Variants in TJP2 observed in about 807,000 individuals in gnomAD.
TJP2 encodes the protein Friedreich ataxia region gene X104 (tight junction protein ZO-2).
TJP2 carries 91 observed loss-of-function variants against 133.1 expected under a neutral mutation model. The observed-to-expected ratio is 0.68, with a 90% CI of 0.58 to 0.81. TJP2 has a LOEUF of 0.81. Ranked by LOEUF, TJP2 falls within the 40% of genes least tolerant of loss-of-function variation. TJP2 has a pLI of 0.00. For synonymous variants in TJP2, 592 were observed against 583.4 expected (o/e 1.01, Z -0.21); for missense variants, 1,541 against 1,565.6 (o/e 0.98, Z 0.26).
rs573778986 is a variant in TJP2, at chr9:69,220,751, G to A, written c.343-136G>A. 6.0e-4 allele frequency: 480 copies of A among 805,920 alleles called. No homozygotes were observed. The highest frequency in any genetic ancestry group is 8.6e-4 in the Non-Finnish European group (416 of 485,396). 49.9% of individuals were successfully genotyped at this position (805,920 alleles called of 1,614,324 possible). On this transcript the variant is annotated intron_variant, in intron 4 of 22. Transcript: ENST00000377245. Reference sequence around the variant, plus strand: ...TGTGAGATTTTTATTGTCCGTTTCCGGATGAGGAACCTGAACCTTAGTGAG... The same window carrying A: ...TGTGAGATTTTTATTGTCCGTTTCCAGATGAGGAACCTGAACCTTAGTGAG...
intron 1 of TJP2, among the ~76,000 whole-genome samples, chr9:69,136,781 TG>T (rs1293203526): frequency 1.3e-5 from 2 of 151,820 alleles, no homozygotes; most frequent in Non-Finnish European, 2.9e-5. Context: ...CTGGTGATGG[TG>T]GTAGGGTGTG....
intron 2 of TJP2, among the ~76,000 whole-genome samples, chr9:69,161,546 A>G (rs1163216042): frequency 6.6e-6 from 1 of 151,980 alleles, no homozygotes; most frequent in Non-Finnish European, 1.5e-5. Flanking sequence ...TTTTATCTAC[A>G]TTTTGGGGCA....
intron 10 of TJP2, 41 bp from the exon 11 acceptor site, chr9:69,230,041 A>T (rs1351202083): frequency 3.1e-6 from 5 of 1,612,484 alleles, no homozygotes; most frequent in Non-Finnish European, 4.2e-6. Flanking sequence ...CTTTTAAAAA[A>T]TATCTCCCAT....
chr9:69,214,312 C>A (rs367561401), intron 2 of TJP2, among the ~76,000 whole-genome samples: 1 of 152,110 alleles, frequency 6.6e-6, no homozygotes, highest in African/African-American at 2.4e-5. Context: ...TCTCGAACTC[C>A]TGGACTCAAG....
In TJP2 at chr9:69,189,663, T is replaced by TAA. The variant is rs34446622; in HGVS notation, c.60+15243_60+15244dup. On this transcript the variant is annotated intron_variant, in intron 1 of 22. Coordinates refer to ENST00000377245, the MANE Select transcript of TJP2 (RefSeq NM_004817.4). ...TTTTTTTTTTTAAGTTTAAAAAAGT[T>TAA]AAAAAAAAAAAAAGACAAAGAAAAA... Among the ~76,000 whole-genome samples the TAA allele has an allele frequency of 3.5e-3, 233 of 65,638 alleles. 53 individuals are homozygous for TAA. Among genetic ancestry groups the TAA allele is most frequent in the South Asian group, 6.7e-3 (10 of 1,486 alleles). 43.1% of individuals were successfully genotyped at this position (65,638 alleles called of 152,430 possible).
chr9:69,213,055 A>ATTTTTTT (rs551659577), intron 2 of TJP2, among the ~76,000 whole-genome samples: 1 of 76,562 alleles, frequency 1.3e-5, no homozygotes, highest in Non-Finnish European at 2.5e-5. Context: ...GTGGTTCTGC[A>ATTTTTTT]TTTTTTTTTT....
chr9:69,249,629 T>G, intron 20 of TJP2, 144 bp downstream of exon 20: 2 of 1,521,370 alleles, frequency 1.3e-6, no homozygotes, highest in Non-Finnish European at 1.8e-6. Context: ...GAGCCTATCT[T>G]TTGGCCTGTT....
chr9:69,151,508 C>A, intron 1 of TJP2: 3 of 714,600 alleles, frequency 4.2e-6, no homozygotes, highest in Non-Finnish European at 5.7e-6. Context: ...ATTGTGGTGA[C>A]AGTTGCATAA....
At chr9:69,181,447 A>G (rs1353686241) in intron 1 of TJP2, among the ~76,000 whole-genome samples, 3 of 151,822 alleles carry the variant, frequency 2.0e-5, no homozygotes, top group Non-Finnish European at 4.4e-5. Flanking sequence ...ACGGGGCTTC[A>G]CCATGTTGGC....
At chr9:69,141,622 C>A (rs559189101) in intron 1 of TJP2, among the ~76,000 whole-genome samples, 82 of 152,292 alleles carry the variant, frequency 5.4e-4, no homozygotes, top group African/African-American at 1.9e-3. Context: ...GACAGAGTCT[C>A]ACTCTGTCAC....
chr9:69,222,630 A>G (rs1828974977), intron 5 of TJP2, among the ~76,000 whole-genome samples: 1 of 152,216 alleles, frequency 6.6e-6, no homozygotes, highest in Admixed American at 6.5e-5. Flanking sequence ...ATTGATATAC[A>G]CAAAGTTGTG....
intron 1 of TJP2, among the ~76,000 whole-genome samples, chr9:69,182,720 G>A (rs758252490): frequency 1.3e-5 from 2 of 150,868 alleles, no homozygotes; most frequent in African/African-American, 4.9e-5. Flanking sequence ...TATCAATTTC[G>A]TTGAATTTAT....
rs1268710142 is a variant in TJP2, at chr9:69,251,156, C to T, written c.3113C>T (p.Pro1038Leu). Residue 1038 changes from proline to leucine, a missense_variant, in exon 21 of 23, where the codon CCT becomes CTT. Pro to Leu is a moderately conservative substitution (Grantham distance 98). Transcript: ENST00000377245. Reference sequence around the variant, plus strand: ...GCATCTACCAAAGGTTATCCTCCTCCTGTTGCAGCAAAACCTACCTTTGGG... The same window carrying T: ...GCATCTACCAAAGGTTATCCTCCTCTTGTTGCAGCAAAACCTACCTTTGGG... ...PGASTKGYPP[P>L]VAAKPTFGRS... 4 of 1,614,180 alleles carry T rather than the reference C, an allele frequency of 2.5e-6. No individual in the cohort carries two copies. In the Admixed American group the frequency reaches 6.7e-5, roughly 27 times the overall value.
rs766717608 is a variant in TJP2 at position 69,218,303 on chromosome 9, G to A, written c.286G>A (p.Val96Met). 3.1e-6 allele frequency: 5 copies of A among 1,614,244 alleles called. No homozygotes were observed. The highest frequency in any genetic ancestry group is 4.2e-6 in the Non-Finnish European group (5 of 1,180,050). Residue 96 changes from valine to methionine, a missense_variant, in exon 4 of 23, where the codon GTG becomes ATG. Transcript: ENST00000377245. ...VMVNGTPMEDVLHSFAVQQLR... is the reference protein window; with the variant it reads ...VMVNGTPMEDMLHSFAVQQLR... ...GGTCAATGGCACCCCCATGGAGGAT[G>A]TGCTTCATTCGTTTGCAGTTCAGCA...
In TJP2 at chr9:69,179,209, A is replaced by T. The variant is rs77302474; in HGVS notation, c.60+4777A>T. The stretch of plus-strand genomic sequence containing the variant: ...AGAAATCCTAAGCTTTCAATTAGTA[A>T]CTTGTACTTTAGTCATTTAAAATCA... On this transcript the variant is annotated intron_variant, in intron 1 of 22. Transcript: ENST00000377245. Among the ~76,000 whole-genome samples the T allele has an allele frequency of 6.8e-4, 104 of 152,332 alleles. No homozygotes were observed. In the East Asian group the frequency reaches 0.018, roughly 26 times the overall value.
rs1040241161 is a variant in TJP2 at position 69,234,345 on chromosome 9, G to A, written c.1672-94G>A. On this transcript the variant is annotated intron_variant, in intron 11 of 22. Transcript: ENST00000377245. Reference sequence around the variant, plus strand: ...ATGAAAACAAACAAAAGGGTCAGTGGCATCTTACTATAAACTTCTCTGTTT... The same window carrying A: ...ATGAAAACAAACAAAAGGGTCAGTGACATCTTACTATAAACTTCTCTGTTT... 14 of 1,036,634 alleles carry A rather than the reference G, an allele frequency of 1.4e-5. No homozygotes were observed. The African/African-American group carries it at 1.6e-4, about 12-fold the overall frequency. The allele number at this position is 1,036,634 out of a possible 1,614,324, so 64.2% of individuals were successfully genotyped here. A position where few individuals can be genotyped will look rare whatever the true frequency, so the allele number is the denominator to read the frequency against.
chr9:69,220,853 T>C, intron 4 of TJP2, 34 bp from the exon 5 acceptor site: 1 of 1,602,568 alleles, frequency 6.2e-7, no homozygotes, highest in Non-Finnish European at 8.5e-7. Context: ...GTTGTGATTG[T>C]CCTGCGTCCA....
intron 4 of TJP2, among the ~76,000 whole-genome samples, chr9:69,219,440 C>T (rs1374943552): frequency 1.3e-5 from 2 of 152,136 alleles, no homozygotes; most frequent in Non-Finnish European, 2.9e-5. Flanking sequence ...GGCAACCATG[C>T]GAAGGAAAGT....
chr9:69,232,760 T>G (rs1013749330), intron 11 of TJP2, among the ~76,000 whole-genome samples: 1 of 152,232 alleles, frequency 6.6e-6, no homozygotes, highest in African/African-American at 2.4e-5. Flanking sequence ...GTCATTTCTC[T>G]TTCAGAAACT....
Sources: gnomAD v4.1 joint callset for allele counts (sites outside exome capture counted in the v4.1 genomes callset) on GRCh38, gnomAD v4.1.1 for gene constraint, MANE v1.5 for transcripts, NCBI Gene and HGNC (gene_info 2026-07-23, HGNC 2026-07-21) for gene names.